The following STXBP5L variants were observed in gnomAD, a reference collection of about 807,000 sequenced individuals.
The protein encoded by STXBP5L is syntaxin-binding protein 5-like.
In STXBP5L, 65 loss-of-function variants were observed where a neutral mutation model predicts 144.5. The observed-to-expected ratio is 0.45, with a 90% CI of 0.37 to 0.55. The LOEUF (loss-of-function observed/expected upper bound fraction) is 0.55. Among genes scored for constraint, STXBP5L ranks in the 20% least tolerant of loss-of-function variants. The pLI, the probability that STXBP5L is intolerant of heterozygous loss-of-function variation, is 0.00. For synonymous variants in STXBP5L, 505 were observed against 469.6 expected, an observed-to-expected ratio of 1.08 and a Z score of -0.97; for missense variants, 1,298 against 1,405.5, an observed-to-expected ratio of 0.92 and a Z score of 1.22.
intron 3 of STXBP5L, among the ~76,000 whole-genome samples, chr3:121,036,990 G>C (rs1221994364): frequency 6.6e-6 from 1 of 151,854 alleles, no homozygotes; most frequent in African/African-American, 2.4e-5. Flanking sequence ...TCAGTGGCAT[G>C]GTCATAGCTC....
chr3:121,131,522 T>C (rs960723155), intron 7 of STXBP5L, among the ~76,000 whole-genome samples: 5 of 152,222 alleles, frequency 3.3e-5, no homozygotes, highest in Non-Finnish European at 7.3e-5. Flanking sequence ...GGCCTGCCTG[T>C]TATTATTTTA....
At position 121,313,063 on chromosome 3, in the gene STXBP5L, G is replaced by A. The variant is rs1456070953; in HGVS notation, c.2111-5412G>A. On this transcript the variant is annotated intron_variant, in intron 19 of 26. Coordinates refer to ENST00000471454, the MANE Select transcript of STXBP5L (RefSeq NM_001308330.2). Reference sequence around the variant, plus strand: ...CGGGCAGAAGCGCCCCTCACCTCCCGGATGGGGCGGCTGGCCGGGCGGGGG... The same window carrying A: ...CGGGCAGAAGCGCCCCTCACCTCCCAGATGGGGCGGCTGGCCGGGCGGGGG... Among the ~76,000 whole-genome samples the A allele has an allele frequency of 1.3e-4, 19 of 150,470 alleles. No homozygotes were observed. In the East Asian group the frequency reaches 2.0e-3, roughly 16 times the overall value.
At chr3:121,162,477 A>G (rs1235418930) in intron 9 of STXBP5L, among the ~76,000 whole-genome samples, 1 of 152,158 alleles carries the variant, frequency 6.6e-6, no homozygotes, top group Non-Finnish European at 1.5e-5. Flanking sequence ...CTAGAAGAAA[A>G]CCTAGGCAAT....
intron 3 of STXBP5L, among the ~76,000 whole-genome samples, chr3:121,013,052 A>T (rs1210794610): frequency 6.6e-6 from 1 of 151,572 alleles, no homozygotes; most frequent in Non-Finnish European, 1.5e-5. Context: ...GCTTCATAGT[A>T]TTGCATGGTG....
chr3:121,144,995 G>T (rs994156421), intron 7 of STXBP5L, among the ~76,000 whole-genome samples: 3 of 151,840 alleles, frequency 2.0e-5, no homozygotes, highest in African/African-American at 7.2e-5. Context: ...TGGCTGATGG[G>T]CTGGGGGAGG....
intron 20 of STXBP5L, among the ~76,000 whole-genome samples, chr3:121,369,220 A>G (rs2045955942): frequency 6.6e-6 from 1 of 152,180 alleles, no homozygotes; most frequent in African/African-American, 2.4e-5. Context: ...CCTTCCCCTG[A>G]AAGTTGTATG....
intron 5 of STXBP5L, among the ~76,000 whole-genome samples, chr3:121,094,351 T>C (rs2042997264): frequency 6.6e-6 from 1 of 152,174 alleles, no homozygotes; most frequent in Non-Finnish European, 1.5e-5. Flanking sequence ...CTCGTTGATC[T>C]GTCTAATGTT....
intron 11 of STXBP5L, 141 bp downstream of exon 11, chr3:121,223,298 C>A (rs1447028867): frequency 3.7e-6 from 3 of 802,436 alleles, no homozygotes; most frequent in Admixed American, 3.2e-5. Context: ...GGTTCTGCAA[C>A]TGTACCTACT....
chr3:121,341,496 T>C (rs1361131979), intron 20 of STXBP5L, among the ~76,000 whole-genome samples: 1 of 152,002 alleles, frequency 6.6e-6, no homozygotes. Context: ...TACCATATGA[T>C]ACAGCAATCC....
intron 3 of STXBP5L, among the ~76,000 whole-genome samples, chr3:120,990,179 G>A (rs1414277214): frequency 6.6e-6 from 1 of 152,106 alleles, no homozygotes; most frequent in Admixed American, 6.6e-5. Flanking sequence ...CAAACAGAGA[G>A]CCAAATCATG....
intron 7 of STXBP5L, among the ~76,000 whole-genome samples, chr3:121,136,498 G>T (rs2045263972): frequency 6.6e-6 from 1 of 152,152 alleles, no homozygotes; most frequent in Non-Finnish European, 1.5e-5. Flanking sequence ...CTAATCATTA[G>T]GGAGATCCAA....
chr3:120,978,165 G>A (rs564585460), intron 3 of STXBP5L, among the ~76,000 whole-genome samples: 4 of 152,246 alleles, frequency 2.6e-5, no homozygotes, highest in African/African-American at 9.6e-5. Context: ...CATTCTCCCT[G>A]TCACTTTCAG....
In STXBP5L at chr3:120,954,951, T is replaced by C. The variant is rs538950911; in HGVS notation, c.201T>C (p.His67=). 6.2e-7 allele frequency: 1 copy of C among 1,612,206 alleles called. No individual in the cohort carries two copies. Among genetic ancestry groups the C allele is most frequent in the South Asian group, 1.1e-5 (1 of 90,986 alleles). ...EYFQICKTVR[H]GFPHQPTALA... is the part of the protein sequence containing the mutation. The stretch of plus-strand genomic sequence containing the variant: ...TTGCTCTCTTTCAGACAGTTCGGCA[T>C]GGTTTTCCTCATCAGCCCACAGCAT... Residue 67 remains histidine, a synonymous_variant, in exon 3 of 27, where the codon CAT becomes CAC. Coordinates refer to ENST00000471454, the MANE Select transcript of STXBP5L (RefSeq NM_001308330.2).
At chr3:121,069,672 C>T (rs773036088) in intron 5 of STXBP5L, among the ~76,000 whole-genome samples, 1 of 151,542 alleles carries the variant, frequency 6.6e-6, no homozygotes, top group African/African-American at 2.4e-5. Context: ...GGTCACGTCT[C>T]GGTGCCTTAG....
intron 20 of STXBP5L, among the ~76,000 whole-genome samples, chr3:121,322,476 CAA>C (rs5852266): frequency 5.3e-4 from 68 of 128,434 alleles, no homozygotes; most frequent in Middle Eastern, 4.1e-3. Flanking sequence ...GAAACTGTGC[CAA>C]AAAAAAAAAA....
At chr3:121,087,056 A>G (rs1019700154) in intron 5 of STXBP5L, among the ~76,000 whole-genome samples, 4 of 152,056 alleles carry the variant, frequency 2.6e-5, no homozygotes, top group Non-Finnish European at 5.9e-5. Context: ...TATTTTATAT[A>G]ACTTGAGTTA....
rs75966730 is a variant in STXBP5L, at chr3:121,220,659, A to G, written c.957-2344A>G. ...AAGGAGATATGGTTTTGCAAGTGCAAATTATCAAATTATCAAAATTAATTT... is the reference window on the plus strand; with the variant it reads ...AAGGAGATATGGTTTTGCAAGTGCAGATTATCAAATTATCAAAATTAATTT... On this transcript the variant is annotated intron_variant, in intron 10 of 26. Coordinates refer to ENST00000471454, the MANE Select transcript of STXBP5L (RefSeq NM_001308330.2). Among the ~76,000 whole-genome samples, 466 of 152,206 alleles carry G rather than the reference A, an allele frequency of 3.1e-3. 5 individuals are homozygous for G. The highest frequency in any genetic ancestry group is 0.011 in the African/African-American group (449 of 41,570).
chr3:120,966,286 T>C lies in STXBP5L; in HGVS notation c.287+11249T>C, dbSNP rs1352208593. 3.3e-5 allele frequency among the ~76,000 whole-genome samples: 5 copies of C among 152,210 alleles called. No homozygotes were observed. In the East Asian group the frequency reaches 9.6e-4, roughly 29 times the overall value. On this transcript the variant is annotated intron_variant, in intron 3 of 26. Transcript: ENST00000471454. Reference sequence around the variant, plus strand: ...CCTTCCGAAGCCTACTTCTGTCAACTTGTCAAAGTCATTCTCCGTCCAGCT... The same window carrying C: ...CCTTCCGAAGCCTACTTCTGTCAACCTGTCAAAGTCATTCTCCGTCCAGCT...
chr3:121,000,354 G>A (rs899818191), intron 3 of STXBP5L, among the ~76,000 whole-genome samples: 2 of 151,918 alleles, frequency 1.3e-5, no homozygotes, highest in Non-Finnish European at 2.9e-5. Context: ...GATTTGAAGA[G>A]CCAGTCTTTG....
Sources: allele counts gnomAD v4.1 joint callset (sites outside exome capture counted in the v4.1 genomes callset), GRCh38; gene constraint gnomAD v4.1.1; transcripts MANE v1.5; gene names NCBI Gene and HGNC (gene_info 2026-07-23, HGNC 2026-07-21).